The following PRKG1 variants were observed in gnomAD, a reference collection of about 807,000 sequenced individuals.
PRKG1 encodes protein kinase cGMP-dependent 1, also known as cGMP-dependent protein kinase 1.
In PRKG1, 35 loss-of-function variants were observed where a neutral mutation model predicts 88.1. The ratio of observed to expected loss-of-function variants is 0.40; its 90% CI spans 0.30 to 0.53. The LOEUF (loss-of-function observed/expected upper bound fraction) is 0.53. Ranked by LOEUF, PRKG1 falls within the 20% of genes least tolerant of loss-of-function variation. PRKG1 has a pLI of 0.59. For missense variants in PRKG1, 540 were observed against 839.8 expected, an observed-to-expected ratio of 0.64 and a Z score of 4.41; for synonymous variants, 303 against 292.5, an observed-to-expected ratio of 1.04 and a Z score of -0.37.
intron 5 of PRKG1, among the ~76,000 whole-genome samples, chr10:51,986,467 A>G (rs1258101155): frequency 6.6e-6 from 1 of 152,210 alleles, no homozygotes; most frequent in East Asian, 1.9e-4. Flanking sequence ...ATGATTTTTG[A>G]TGAGCACTTT....
intron 12 of PRKG1, among the ~76,000 whole-genome samples, chr10:52,278,482 A>G (rs567846720): frequency 3.3e-5 from 5 of 152,274 alleles, no homozygotes; most frequent in African/African-American, 1.2e-4. Context: ...AAGATTATAA[A>G]TCATTCTACT....
chr10:51,550,956 G>A (rs1470506818), intron 3 of PRKG1, among the ~76,000 whole-genome samples: 3 of 151,938 alleles, frequency 2.0e-5, no homozygotes, highest in African/African-American at 7.2e-5. Context: ...GTCAACTAAT[G>A]AGTCTCTAGG....
chr10:51,608,272 A>G (rs138048568), intron 3 of PRKG1, among the ~76,000 whole-genome samples: 1 of 152,290 alleles, frequency 6.6e-6, no homozygotes, highest in Non-Finnish European at 1.5e-5. Flanking sequence ...GTTTGATTGT[A>G]AGGCTGCTGA....
intron 5 of PRKG1, among the ~76,000 whole-genome samples, chr10:51,943,024 A>T (rs1018209012): frequency 1.3e-5 from 2 of 151,982 alleles, no homozygotes; most frequent in Non-Finnish European, 2.9e-5. Context: ...ATGGCATTGA[A>T]TCTATAAATT....
intron 1 of PRKG1, among the ~76,000 whole-genome samples, chr10:51,041,542 G>A (rs1843421080): frequency 6.6e-6 from 1 of 151,918 alleles, no homozygotes; most frequent in Non-Finnish European, 1.5e-5. Context: ...AGCAGGTGAT[G>A]GATACTGCCA....
intron 2 of PRKG1, among the ~76,000 whole-genome samples, chr10:51,241,958 G>A (rs1360642657): frequency 6.6e-6 from 1 of 150,406 alleles, no homozygotes; most frequent in East Asian, 1.9e-4. Context: ...TGGCTTTTTT[G>A]CCCTCTATGC....
At chr10:51,122,915 C>A (rs1380038131) in intron 1 of PRKG1, among the ~76,000 whole-genome samples, 1 of 152,184 alleles carries the variant, frequency 6.6e-6, no homozygotes, top group Non-Finnish European at 1.5e-5. Flanking sequence ...TTCCTATAGC[C>A]TGCCCTATCT....
chr10:51,419,750 G>C (rs1316586956), intron 2 of PRKG1, among the ~76,000 whole-genome samples: 1 of 151,892 alleles, frequency 6.6e-6, no homozygotes, highest in African/African-American at 2.4e-5. Context: ...CCAAAAAAAC[G>C]CCAGAGGTTA....
At chr10:51,456,426 A>T (rs1004832753) in intron 2 of PRKG1, among the ~76,000 whole-genome samples, 1 of 152,206 alleles carries the variant, frequency 6.6e-6, no homozygotes, top group Non-Finnish European at 1.5e-5. Flanking sequence ...CTCTCACCTT[A>T]TACAAAAATT....
chr10:51,394,387 T>C (rs1837522491), intron 2 of PRKG1, among the ~76,000 whole-genome samples: 1 of 152,066 alleles, frequency 6.6e-6, no homozygotes, highest in Non-Finnish European at 1.5e-5. Context: ...CAAGAAAGAG[T>C]GCCGCAAGAG....
chr10:51,250,709 A>C (rs1271958969), intron 2 of PRKG1, among the ~76,000 whole-genome samples: 1 of 151,808 alleles, frequency 6.6e-6, no homozygotes, highest in Non-Finnish European at 1.5e-5. Flanking sequence ...ACAAAATGGA[A>C]TTGTGCAAGA....
At chr10:52,190,802 T>A (rs921395036) in intron 9 of PRKG1, among the ~76,000 whole-genome samples, 1 of 152,144 alleles carries the variant, frequency 6.6e-6, no homozygotes, top group African/African-American at 2.4e-5. Flanking sequence ...TCCCTTAAGA[T>A]TCAACATTTA....
chr10:52,286,438 A>T (rs1842117953), intron 14 of PRKG1, among the ~76,000 whole-genome samples: 1 of 152,106 alleles, frequency 6.6e-6, no homozygotes. Flanking sequence ...CAAAAAGATG[A>T]ATCAAAATAA....
At chr10:52,015,919 C>T (rs1172790163) in intron 5 of PRKG1, among the ~76,000 whole-genome samples, 2 of 152,318 alleles carry the variant, frequency 1.3e-5, no homozygotes, top group Admixed American at 6.5e-5. Context: ...ATAAGTTTCT[C>T]ATCTCCATCT....
At chr10:51,873,683 G>A (rs999076962) in intron 4 of PRKG1, among the ~76,000 whole-genome samples, 5 of 151,704 alleles carry the variant, frequency 3.3e-5, no homozygotes, top group Admixed American at 1.3e-4. Flanking sequence ...ACGTGCCACC[G>A]TGCCCCAGCT....
intron 3 of PRKG1, among the ~76,000 whole-genome samples, chr10:51,745,490 A>G (rs191623759): frequency 6.6e-6 from 1 of 152,284 alleles, no homozygotes; most frequent in African/African-American, 2.4e-5. Context: ...ATAGCATATT[A>G]TATGCATTTT....
At chr10:51,192,181 A>G (rs2132041673) in intron 2 of PRKG1, among the ~76,000 whole-genome samples, 1 of 151,984 alleles carries the variant, frequency 6.6e-6, no homozygotes, top group Admixed American at 6.6e-5. Context: ...GTATTTCTAT[A>G]TAAGTAATGT....
rs531890160 is a variant in PRKG1 at position 52,044,878 on chromosome 10, C to A, written c.763-9606C>A. On this transcript the variant is annotated intron_variant, in intron 5 of 17. Transcript: ENST00000373980. Reference sequence around the variant, plus strand: ...TGCAAAGCTGCCAGTCATTTCTGTTCATCCTGGTGACAGTTCCGTTATTTC... The same window carrying A: ...TGCAAAGCTGCCAGTCATTTCTGTTAATCCTGGTGACAGTTCCGTTATTTC... 2.4e-3 allele frequency among the ~76,000 whole-genome samples: 358 copies of A among 152,106 alleles called. 1 individual carries two copies. The highest frequency in any genetic ancestry group is 4.3e-3 in the Non-Finnish European group (292 of 67,990).
At chr10:52,094,922 A>G (rs1206168179) in intron 7 of PRKG1, among the ~76,000 whole-genome samples, 1 of 152,170 alleles carries the variant, frequency 6.6e-6, no homozygotes, top group Non-Finnish European at 1.5e-5. Context: ...TTCAGTCACT[A>G]TCAACTGCAT....
Sources: allele counts gnomAD v4.1 joint callset (sites outside exome capture counted in the v4.1 genomes callset), GRCh38; gene constraint gnomAD v4.1.1; transcripts MANE v1.5; gene names NCBI Gene and HGNC (gene_info 2026-07-23, HGNC 2026-07-21).